Variants in GSTO1 observed in about 807,000 individuals in gnomAD.
The protein encoded by GSTO1 is glutathione S-transferase omega-1.
GSTO1 carries 27 observed loss-of-function variants against 23.8 expected under a neutral mutation model. That is an observed-to-expected ratio of 1.13 (90% CI 0.83 to 1.56). GSTO1 has a LOEUF of 1.56. GSTO1 is among the 40% of genes most tolerant of loss of function. The probability of loss-of-function intolerance (pLI) is 0.00; values close to 1 mark genes in which losing one functional copy is unlikely to be tolerated. For missense variants in GSTO1, 255 were observed against 285.8 expected (o/e 0.89, Z 0.78); for synonymous variants, 105 against 109.3 (o/e 0.96, Z 0.25).
chr10:104,255,346 C>A, intron 2 of GSTO1, 75 bp downstream of exon 2: 1 of 915,776 alleles, frequency 1.1e-6, no homozygotes, highest in Non-Finnish European at 1.8e-6. Context: ...GGTGGGGTCT[C>A]AGCCCCCTTC....
chr10:104,259,315 T>C (rs536388158), intron 2 of GSTO1, among the ~76,000 whole-genome samples: 2 of 152,322 alleles, frequency 1.3e-5, no homozygotes, highest in Middle Eastern at 3.4e-3. Context: ...TTCTGCAATA[T>C]GTGACAACAT....
intron 1 of GSTO1, 34 bp downstream of exon 1, chr10:104,254,996 T>C: frequency 1.3e-6 from 2 of 1,582,564 alleles, no homozygotes; most frequent in Non-Finnish European, 1.7e-6. Context: ...GGGGGTGATC[T>C]CGGCGACCCC....
At position 104,257,945 on chromosome 10, in the gene GSTO1, T is replaced by C. The variant is rs535183634; in HGVS notation, c.144-1631T>C. Reference sequence around the variant, plus strand: ...ATTTTCTTCAGAGCATTTATATCTATATAGCATTTTGCTCATTTACATGTT... The same window carrying C: ...ATTTTCTTCAGAGCATTTATATCTACATAGCATTTTGCTCATTTACATGTT... On this transcript the variant is annotated intron_variant, in intron 2 of 5. Transcript: ENST00000369713. Among the ~76,000 whole-genome samples, 7 of 152,356 alleles carry C rather than the reference T, an allele frequency of 4.6e-5. 1 individual carries two copies. Among genetic ancestry groups the C allele is most frequent in the African/African-American group, 1.7e-4 (7 of 41,578 alleles).
chr10:104,266,285 C>G, intron 5 of GSTO1, 95 bp downstream of exon 5: 1 of 704,090 alleles, frequency 1.4e-6, no homozygotes, highest in Non-Finnish European at 2.6e-6. Flanking sequence ...ATATTTAATA[C>G]AACTGGTCTG....
intron 2 of GSTO1, among the ~76,000 whole-genome samples, chr10:104,257,583 C>T (rs12253132): frequency 0.074 from 11,233 of 151,986 alleles, 1,394 homozygotes; most frequent in African/African-American, 0.26. Context: ...TTAAGCAATC[C>T]GCCCACTGCA....
chr10:104,254,406 C>T (rs2091591184), upstream of GSTO1: 1 of 157,620 alleles, frequency 6.3e-6, no homozygotes, highest in South Asian at 1.7e-4. Flanking sequence ...CCAAGCTTGA[C>T]TCTTCCCTTT....
chr10:104,254,773 C>G (rs1201080467), upstream of GSTO1: 1 of 708,446 alleles, frequency 1.4e-6, no homozygotes, highest in Non-Finnish European at 2.5e-6. Context: ...TCCCATAAAG[C>G]CGGGAAGGCA....
At chr10:104,255,423 G>T in intron 2 of GSTO1, 152 bp downstream of exon 2, 1 of 606,564 alleles carries the variant, frequency 1.6e-6, no homozygotes, top group South Asian at 2.0e-5. Flanking sequence ...AAAATAGCAA[G>T]TTATAGGCCA....
chr10:104,264,098 G>A (rs2011160497), intron 4 of GSTO1, among the ~76,000 whole-genome samples: 2 of 152,044 alleles, frequency 1.3e-5, no homozygotes. Flanking sequence ...TGGTTTCAAG[G>A]ATATTCTGAC....
intron 4 of GSTO1, among the ~76,000 whole-genome samples, chr10:104,263,556 G>C (rs2011156180): frequency 6.6e-6 from 1 of 152,112 alleles, no homozygotes; most frequent in Non-Finnish European, 1.5e-5. Context: ...ACACTTGAGG[G>C]AAGCCCAGAT....
Position 104,255,003 on chromosome 10 carries a change from C to A in GSTO1, c.34+41C>A, listed in dbSNP as rs771961744. 1.9e-6 allele frequency: 3 copies of A among 1,572,938 alleles called. No individual in the cohort carries two copies. In the East Asian group the frequency reaches 6.8e-5, roughly 36 times the overall value. ...CGCGAAGAGGGGGTGATCTCGGCGA[C>A]CCCCGGCGGCATGTTCGAGGCTGCT... is the stretch of plus-strand genomic sequence containing the variant. On this transcript the variant is annotated intron_variant, in intron 1 of 5. Transcript: ENST00000369713.
chr10:104,259,770 A>G lies in GSTO1; in HGVS notation c.338A>G (p.Gln113Arg), dbSNP rs2135057118. ...GATGACCCCTATGAGAAAGCTTGCC[A>G]GAAGATGATCTTAGAGTTGTTTTCT... is the stretch of plus-strand genomic sequence containing the variant. ...LPDDPYEKACQKMILELFSKV... is the reference protein window; with the variant it reads ...LPDDPYEKACRKMILELFSKV... Residue 113 changes from glutamine to arginine, a missense_variant, in exon 3 of 6, where the codon CAG (glutamine) becomes CGG (arginine). Gln to Arg is a conservative substitution (Grantham distance 43). Transcript: ENST00000369713. 1.2e-6 allele frequency: 2 copies of G among 1,613,114 alleles called. No individual in the cohort carries two copies. The highest frequency in any genetic ancestry group is 1.1e-5 in the South Asian group (1 of 91,062).
At position 104,258,533 on chromosome 10, in the gene GSTO1, C is replaced by A. The variant is rs190198487; in HGVS notation, c.144-1043C>A. Among the ~76,000 whole-genome samples the A allele has an allele frequency of 5.2e-4, 79 of 152,326 alleles. 1 individual carries two copies. In the East Asian group the frequency reaches 0.014, roughly 28 times the overall value. On this transcript the variant is annotated intron_variant, in intron 2 of 5. Transcript: ENST00000369713. Reference sequence around the variant, plus strand: ...CTCCAAAATACATAAGGAATCTCTACAACTCAACAACAAAAAAACCTGATT... The same window carrying A: ...CTCCAAAATACATAAGGAATCTCTAAAACTCAACAACAAAAAAACCTGATT...
chr10:104,254,620 C>T, upstream of GSTO1: 1 of 479,930 alleles, frequency 2.1e-6, no homozygotes, highest in East Asian at 4.2e-5. Flanking sequence ...GACGTGGAGC[C>T]CCGTGGAGTG....
chr10:104,258,781 G>A (rs769257803), intron 2 of GSTO1, among the ~76,000 whole-genome samples: 14 of 152,268 alleles, frequency 9.2e-5, no homozygotes, highest in Admixed American at 3.9e-4. Flanking sequence ...CCAGGAGGTC[G>A]AGGCTGCAGT....
chr10:104,259,561 C>G lies in GSTO1; in HGVS notation c.144-15C>G, dbSNP rs2011120517. On this transcript the variant is annotated splice_polypyrimidine_tract_variant and intron_variant, in intron 2 of 5. Coordinates refer to ENST00000369713, the MANE Select transcript of GSTO1 (RefSeq NM_004832.3). Reference sequence around the variant, plus strand: ...GTTGTTTCCTTCTCTTCATAGTCTCCTATGTGTCTTTCAGGCATGAAGTCA... The same window carrying G: ...GTTGTTTCCTTCTCTTCATAGTCTCGTATGTGTCTTTCAGGCATGAAGTCA... 6.6e-7 allele frequency: 1 copy of G among 1,508,538 alleles called. No individual in the cohort carries two copies. 93.4% of individuals were successfully genotyped at this position (1,508,538 alleles called of 1,614,324 possible).
chr10:104,262,522 G>A (rs1219669188), intron 3 of GSTO1, among the ~76,000 whole-genome samples: 1 of 152,144 alleles, frequency 6.6e-6, no homozygotes, highest in African/African-American at 2.4e-5. Context: ...GACCAGCCTG[G>A]CCAATATGGT....
rs548093642 is a variant in GSTO1, at chr10:104,267,404, G to C, written c.725G>C (p.Ter242SerextTer?). 2 of 1,605,588 alleles carry C rather than the reference G, an allele frequency of 1.2e-6. No homozygotes were observed. The highest frequency in any genetic ancestry group is 4.5e-5 in the East Asian group (2 of 44,778). The change falls in exon 6 of 6, where the codon TGA becomes TCA. Residue 242 changes from the stop codon to serine (S), a stop_lost. Coordinates refer to ENST00000369713, the MANE Select transcript of GSTO1 (RefSeq NM_004832.3). The part of the protein sequence containing the change: ...NSPEACDYGL[*>S] ...CCTGAGGCCTGTGACTATGGGCTCT[G>C]AAGGGGGCAGGAGTCAGCAATAAAG... is the stretch of plus-strand genomic sequence containing the variant.
chr10:104,254,796 C>T (rs1258498989), upstream of GSTO1: 5 of 810,148 alleles, frequency 6.2e-6, no homozygotes, highest in Non-Finnish European at 1.0e-5. Context: ...ACGGGTGGAG[C>T]TGGCGGCCGC....
Sources: allele counts gnomAD v4.1 joint callset (sites outside exome capture counted in the v4.1 genomes callset), GRCh38; gene constraint gnomAD v4.1.1; transcripts MANE v1.5; gene names NCBI Gene and HGNC (gene_info 2026-07-23, HGNC 2026-07-21).